The following MEF2A variants were observed in gnomAD, a reference collection of about 807,000 sequenced individuals.
MEF2A encodes myocyte-specific enhancer factor 2A.
MEF2A carries 28 observed loss-of-function variants against 55.8 expected under a neutral mutation model. The ratio of observed to expected loss-of-function variants is 0.50; its 90% confidence interval spans 0.37 to 0.69. The LOEUF (loss-of-function observed/expected upper bound fraction) is 0.69. MEF2A is among the 30% of genes least tolerant of loss of function. The pLI, the probability that MEF2A is intolerant of heterozygous loss-of-function variation, is 0.00. For missense variants in MEF2A, 528 were observed against 626.2 expected (o/e 0.84, Z 1.67); for synonymous variants, 239 against 227.1 (o/e 1.05, Z -0.47).
At chr15:99,698,062 A>G (rs1156454787) in intron 8 of MEF2A, among the ~76,000 whole-genome samples, 5 of 152,364 alleles carry the variant, frequency 3.3e-5, no homozygotes, top group African/African-American at 4.8e-5. Context: ...AAATAACTCA[A>G]ACTTTATTAA....
rs1960889501 is a variant in MEF2A at position 99,568,901 on chromosome 15, C to T, written c.-225+2797C>T. Among the ~76,000 whole-genome samples the T allele has an allele frequency of 3.9e-5, 6 of 152,230 alleles. No individual in the cohort carries two copies. In the Middle Eastern group the frequency reaches 0.014, roughly 345 times the overall value. On this transcript the variant is annotated intron_variant, in intron 1 of 11. Coordinates refer to ENST00000557942, the MANE Select transcript of MEF2A (RefSeq NM_001319206.4). ...TTATGCGATGACACTATGAGAAAAC[C>T]ATTTGTGGACCAAAAATGATCACTA...
At chr15:99,615,110 G>A (rs1297035128) in intron 2 of MEF2A, among the ~76,000 whole-genome samples, 1 of 152,198 alleles carries the variant, frequency 6.6e-6, no homozygotes, top group Non-Finnish European at 1.5e-5. Context: ...TTAGGGTAAA[G>A]GTGAACAGTG....
chr15:99,640,095 T>C (rs1358275929), intron 3 of MEF2A, among the ~76,000 whole-genome samples: 1 of 152,228 alleles, frequency 6.6e-6, no homozygotes, highest in Non-Finnish European at 1.5e-5. Flanking sequence ...TTGGTTTTTT[T>C]AAATGTTCCG....
intron 9 of MEF2A, among the ~76,000 whole-genome samples, chr15:99,703,954 G>A (rs867786628): frequency 4.2e-4 from 64 of 152,268 alleles, no homozygotes; most frequent in Middle Eastern, 3.4e-3. Flanking sequence ...TTTCTTAAAA[G>A]CAACTATTGC....
rs563570292 is a variant in MEF2A at position 99,571,567 on chromosome 15, C to T, written c.-225+5463C>T. On this transcript the variant is annotated intron_variant, in intron 1 of 11. Transcript: ENST00000557942. The stretch of plus-strand genomic sequence containing the variant: ...TGCCCTAGTCAAAGCCAGCTATTAG[C>T]GCTAATCTGAAAAGGCCATATGTTT... 4.7e-4 allele frequency among the ~76,000 whole-genome samples: 71 copies of T among 152,220 alleles called. 1 individual carries two copies. Among genetic ancestry groups the T allele is most frequent in the African/African-American group, 1.7e-3 (69 of 41,534 alleles).
intron 9 of MEF2A, among the ~76,000 whole-genome samples, chr15:99,704,536 A>T (rs1283835909): frequency 6.6e-6 from 1 of 152,220 alleles, no homozygotes; most frequent in Non-Finnish European, 1.5e-5. Context: ...GCGTCCATGA[A>T]TTATCTAGCA....
chr15:99,631,465 T>C (rs2042929262), intron 2 of MEF2A, among the ~76,000 whole-genome samples: 2 of 152,312 alleles, frequency 1.3e-5, no homozygotes, highest in South Asian at 4.1e-4. Flanking sequence ...GCCTAATATG[T>C]ATATCTCATA....
At chr15:99,622,817 C>T (rs1006683846) in intron 2 of MEF2A, among the ~76,000 whole-genome samples, 1 of 151,296 alleles carries the variant, frequency 6.6e-6, no homozygotes. Flanking sequence ...ATTCTCCTGC[C>T]TCAGCCTCCC....
intron 4 of MEF2A, among the ~76,000 whole-genome samples, chr15:99,654,484 A>G (rs548570481): frequency 1.6e-4 from 25 of 152,012 alleles, no homozygotes; most frequent in African/African-American, 6.0e-4. Context: ...AGAAGACCTC[A>G]CTGAAATTGG....
intron 2 of MEF2A, among the ~76,000 whole-genome samples, chr15:99,603,791 T>C (rs552380192): frequency 3.9e-5 from 6 of 152,316 alleles, no homozygotes; most frequent in African/African-American, 1.4e-4. Context: ...GTTGATAGTG[T>C]TCTTTTAAGA....
chr15:99,701,017 T>C (rs2057336491), intron 8 of MEF2A, among the ~76,000 whole-genome samples: 1 of 152,200 alleles, frequency 6.6e-6, no homozygotes, highest in Admixed American at 6.5e-5. Context: ...AGTACAATGG[T>C]AATTGTTGCA....
intron 2 of MEF2A, among the ~76,000 whole-genome samples, chr15:99,612,864 T>C (rs1334476863): frequency 6.6e-6 from 1 of 152,070 alleles, no homozygotes; most frequent in Non-Finnish European, 1.5e-5. Flanking sequence ...CTATTTTTCC[T>C]TCAGAAATGT....
chr15:99,577,404 T>TGCGGAATACTAGTGA (rs148702516), intron 1 of MEF2A, among the ~76,000 whole-genome samples: 1 of 151,970 alleles, frequency 6.6e-6, no homozygotes, highest in Non-Finnish European at 1.5e-5. Flanking sequence ...GGCTAGGTGC[T>TGCGGAATACTAGTGA]GCAAGGCTTG....
In MEF2A at chr15:99,663,977, G is replaced by C. The variant is rs547258788; in HGVS notation, c.259-7346G>C. Reference sequence around the variant, plus strand: ...ATGTTTCCTTGAATTTGAAAGGTAAGGTTGTCAGTACTCTATAAGTAGAAT... The same window carrying C: ...ATGTTTCCTTGAATTTGAAAGGTAACGTTGTCAGTACTCTATAAGTAGAAT... On this transcript the variant is annotated intron_variant, in intron 4 of 11. Coordinates refer to ENST00000557942, the MANE Select transcript of MEF2A (RefSeq NM_001319206.4). Among the ~76,000 whole-genome samples, 25 of 152,270 alleles carry C rather than the reference G, an allele frequency of 1.6e-4. No individual in the cohort carries two copies. In the East Asian group the frequency reaches 4.8e-3, roughly 29 times the overall value.
At position 99,688,752 on chromosome 15, in the gene MEF2A, G is replaced by A. The variant is rs989359816; in HGVS notation, c.671-1489G>A. On this transcript the variant is annotated intron_variant, in intron 7 of 11. Coordinates refer to ENST00000557942, the MANE Select transcript of MEF2A (RefSeq NM_001319206.4). ...AGCCTGGGCAACAGGGCAAGTCTCCGTCTGAAAAGTAAATAAATAAATAAA... is the reference window on the plus strand; with the variant it reads ...AGCCTGGGCAACAGGGCAAGTCTCCATCTGAAAAGTAAATAAATAAATAAA... Among the ~76,000 whole-genome samples, 68 of 152,200 alleles carry A rather than the reference G, an allele frequency of 4.5e-4. 2 individuals are homozygous for A. Among genetic ancestry groups the A allele is most frequent in the Admixed American group, 2.0e-3 (31 of 15,286 alleles).
chr15:99,595,852 G>A (rs1007927507), intron 1 of MEF2A, among the ~76,000 whole-genome samples: 8 of 152,306 alleles, frequency 5.3e-5, no homozygotes, highest in Middle Eastern at 6.8e-3. Context: ...AACAGTCTCA[G>A]CAATGGCTTG....
chr15:99,700,790 C>T (rs1597269186), intron 8 of MEF2A, among the ~76,000 whole-genome samples: 2 of 152,212 alleles, frequency 1.3e-5, no homozygotes, highest in Middle Eastern at 3.4e-3. Context: ...GCTGGCCTTT[C>T]AAAAGAGTTT....
chr15:99,599,903 A>G (rs569261343), intron 2 of MEF2A, among the ~76,000 whole-genome samples: 2 of 152,140 alleles, frequency 1.3e-5, no homozygotes, highest in Admixed American at 6.6e-5. Flanking sequence ...ATTGCATTAG[A>G]TATTATAAAT....
At chr15:99,605,469 A>G (rs1210978066) in intron 2 of MEF2A, among the ~76,000 whole-genome samples, 1 of 152,152 alleles carries the variant, frequency 6.6e-6, no homozygotes, top group Non-Finnish European at 1.5e-5. Context: ...GTTGAACTAT[A>G]TTGTGCAAGG....
Sources: gnomAD v4.1 joint callset for allele counts (sites outside exome capture counted in the v4.1 genomes callset) on GRCh38, gnomAD v4.1.1 for gene constraint, MANE v1.5 for transcripts, NCBI Gene and HGNC (gene_info 2026-07-23, HGNC 2026-07-21) for gene names.